NCAM2: variants seen among roughly 807,000 people sequenced by gnomAD.
NCAM2 encodes neural cell adhesion molecule 2, also known as N-CAM-2.
A neutral mutation model predicts 98.1 loss-of-function variants in NCAM2; 30 were observed. The observed-to-expected ratio is 0.31, with a 90% CI of 0.23 to 0.41. NCAM2 has a LOEUF of 0.41. NCAM2 is among the 10% of genes least tolerant of loss of function. NCAM2 has a pLI of 1.00. For missense variants in NCAM2, 867 were observed against 1,005.8 expected, an observed-to-expected ratio of 0.86 and a Z score of 1.87; for synonymous variants, 368 against 342.4, an observed-to-expected ratio of 1.07 and a Z score of -0.83.
At chr21:21,148,096 T>C (rs978670155) in intron 1 of NCAM2, among the ~76,000 whole-genome samples, 11 of 152,130 alleles carry the variant, frequency 7.2e-5, no homozygotes, top group Admixed American at 2.0e-4. Context: ...ATGTATCCTA[T>C]GCTGTTCAGC....
intron 1 of NCAM2, among the ~76,000 whole-genome samples, chr21:21,230,435 G>A (rs2147181696): frequency 6.6e-6 from 1 of 151,282 alleles, no homozygotes; most frequent in Non-Finnish European, 1.5e-5. Flanking sequence ...TCCATTATGT[G>A]ATTTTACTGG....
intron 1 of NCAM2, among the ~76,000 whole-genome samples, chr21:21,192,261 C>T (rs879511765): frequency 2.0e-5 from 3 of 151,166 alleles, no homozygotes; most frequent in Non-Finnish European, 4.4e-5. Flanking sequence ...TAAAAAAAAA[C>T]CCGATGAGAG....
In NCAM2 at chr21:21,244,544, A is replaced by T. The variant is rs534348330; in HGVS notation, c.56-36034A>T. On this transcript the variant is annotated intron_variant, in intron 1 of 17. Transcript: ENST00000400546. ...GTTGTATATTAAATGCCAAAATTAT[A>T]TATAGGCCACAGTTAAAAAACAGGC... Among the ~76,000 whole-genome samples, 4 of 152,270 alleles carry T rather than the reference A, an allele frequency of 2.6e-5. No individual in the cohort carries two copies. In the South Asian group the frequency reaches 8.3e-4, roughly 32 times the overall value.
chr21:21,126,236 T>TAAAAAAAAAAAAAAA (rs778070776), intron 1 of NCAM2, among the ~76,000 whole-genome samples: 2 of 97,554 alleles, frequency 2.1e-5, no homozygotes, highest in South Asian at 4.1e-4. Context: ...TCATGGAACA[T>TAAAAAAAAAAAAAAA]AAAAAAAAAA....
chr21:21,179,784 C>T (rs192789017), intron 1 of NCAM2, among the ~76,000 whole-genome samples: 1 of 152,362 alleles, frequency 6.6e-6, no homozygotes, highest in African/African-American at 2.4e-5. Context: ...CCGGTGTAAA[C>T]TGCAGTGTCA....
chr21:21,363,716 G>C (rs952964905), intron 8 of NCAM2, among the ~76,000 whole-genome samples: 1 of 151,636 alleles, frequency 6.6e-6, no homozygotes, highest in Non-Finnish European at 1.5e-5. Context: ...ACTATTCCTG[G>C]TACTGTTTTA....
At chr21:21,007,616 C>T (rs890149481) in intron 1 of NCAM2, among the ~76,000 whole-genome samples, 4 of 152,130 alleles carry the variant, frequency 2.6e-5, no homozygotes, top group Admixed American at 6.6e-5. Context: ...GTTTCCATGA[C>T]ATCTGTAAAC....
intron 1 of NCAM2, among the ~76,000 whole-genome samples, chr21:21,200,993 T>C (rs2069198802): frequency 6.6e-6 from 1 of 152,058 alleles, no homozygotes. Flanking sequence ...GAGAATACTT[T>C]TTTATGATTT....
At chr21:21,090,879 A>T (rs2065998748) in intron 1 of NCAM2, among the ~76,000 whole-genome samples, 1 of 152,150 alleles carries the variant, frequency 6.6e-6, no homozygotes, top group Non-Finnish European at 1.5e-5. Flanking sequence ...TCATTTTAAG[A>T]ATCTGAGCTT....
chr21:21,491,876 C>G (rs1163519095), intron 15 of NCAM2, among the ~76,000 whole-genome samples: 2 of 151,322 alleles, frequency 1.3e-5, no homozygotes, highest in African/African-American at 4.8e-5. Flanking sequence ...TTAAATGATA[C>G]AATAGTTATA....
chr21:21,007,506 C>T (rs911827922), intron 1 of NCAM2, among the ~76,000 whole-genome samples: 22 of 152,258 alleles, frequency 1.4e-4, no homozygotes, highest in South Asian at 4.1e-4. Flanking sequence ...ATATGCTAAA[C>T]GAGTGGTGGA....
chr21:21,295,916 C>A (rs1288724347), intron 5 of NCAM2, among the ~76,000 whole-genome samples: 1 of 151,576 alleles, frequency 6.6e-6, no homozygotes, highest in African/African-American at 2.4e-5. Context: ...AATTACTTAC[C>A]TTGGTGTCCC....
chr21:21,488,934 T>A (rs1986620883), intron 15 of NCAM2, among the ~76,000 whole-genome samples: 3 of 152,106 alleles, frequency 2.0e-5, no homozygotes, highest in African/African-American at 7.2e-5. Context: ...CTTTAAATGA[T>A]CTTTTAATAA....
intron 1 of NCAM2, among the ~76,000 whole-genome samples, chr21:21,033,570 C>T (rs756064752): frequency 1.1e-4 from 17 of 151,900 alleles, no homozygotes; most frequent in African/African-American, 2.4e-4. Flanking sequence ...ACCTCCCCCC[C>T]AAAACAATGG....
chr21:21,245,989 T>C (rs1234084167), intron 1 of NCAM2, among the ~76,000 whole-genome samples: 3 of 152,228 alleles, frequency 2.0e-5, no homozygotes, highest in African/African-American at 7.2e-5. Flanking sequence ...GGAAGTCTAA[T>C]TTCCTCCACT....
chr21:21,382,794 A>G (rs2076186789), intron 9 of NCAM2, among the ~76,000 whole-genome samples: 1 of 151,290 alleles, frequency 6.6e-6, no homozygotes, highest in East Asian at 1.9e-4. Flanking sequence ...CCTCCCAAAG[A>G]GCTAGGATTA....
chr21:21,027,598 G>A (rs973169064), intron 1 of NCAM2, among the ~76,000 whole-genome samples: 2 of 152,194 alleles, frequency 1.3e-5, no homozygotes, highest in East Asian at 3.9e-4. Context: ...TTAGACTATA[G>A]CTTAATTTCA....
intron 9 of NCAM2, among the ~76,000 whole-genome samples, chr21:21,401,831 A>C (rs1452229047): frequency 6.6e-6 from 1 of 152,222 alleles, no homozygotes; most frequent in Non-Finnish European, 1.5e-5. Context: ...TAACTGGATA[A>C]TATGGTAATT....
At chr21:21,301,640 G>GT (rs2073718968) in intron 5 of NCAM2, among the ~76,000 whole-genome samples, 1 of 138,916 alleles carries the variant, frequency 7.2e-6, no homozygotes, top group Admixed American at 7.6e-5. Context: ...GCGGTGTTTG[G>GT]TTTTTTGTTC....
Sources: gnomAD v4.1 joint callset for allele counts (sites outside exome capture counted in the v4.1 genomes callset) on GRCh38, gnomAD v4.1.1 for gene constraint, MANE v1.5 for transcripts, NCBI Gene and HGNC (gene_info 2026-07-23, HGNC 2026-07-21) for gene names.